Variants in NFIL3 observed in about 807,000 individuals in gnomAD.
NFIL3 encodes nuclear factor interleukin-3-regulated protein.
A neutral mutation model predicts 10.0 loss-of-function variants in NFIL3; 5 were observed. The observed-to-expected ratio is 0.50, with a 90% CI of 0.26 to 1.06. NFIL3 has a LOEUF of 1.06. NFIL3 is among the 50% of genes least tolerant of loss of function. NFIL3 has a pLI of 0.13. For synonymous variants in NFIL3, 202 were observed against 206.5 expected, an observed-to-expected ratio of 0.98 and a Z score of 0.19; for missense variants, 436 against 547.6, an observed-to-expected ratio of 0.80 and a Z score of 2.03.
At chr9:91,456,034 A>G in the NFIL3 span, among the ~76,000 whole-genome samples, 24 of 152,310 alleles carry the variant, frequency 1.6e-4, no homozygotes, top group Admixed American at 3.3e-4. Context: ...GGGAAACCAC[A>G]CAACTTTCCT....
chr9:91,446,876 C>T, the NFIL3 span, among the ~76,000 whole-genome samples: 1 of 151,664 alleles, frequency 6.6e-6, no homozygotes, highest in Admixed American at 6.6e-5. Flanking sequence ...AATGCAATGG[C>T]ATGGTCTTGG....
chr9:91,477,770 C>T, the NFIL3 span, among the ~76,000 whole-genome samples: 2 of 151,936 alleles, frequency 1.3e-5, no homozygotes, highest in Non-Finnish European at 2.9e-5. Flanking sequence ...ACAAAGAGAC[C>T]CCAAAAGTGG....
At chr9:91,429,273 G>A in the NFIL3 span, among the ~76,000 whole-genome samples, 3 of 152,146 alleles carry the variant, frequency 2.0e-5, no homozygotes, top group African/African-American at 7.2e-5. Flanking sequence ...TCACCAAGGG[G>A]ATCATTTCAC....
At chr9:91,415,140 T>G (rs1249153338) in intron 1 of NFIL3, among the ~76,000 whole-genome samples, 1 of 151,906 alleles carries the variant, frequency 6.6e-6, no homozygotes, top group Admixed American at 6.6e-5. Flanking sequence ...AAAACCAAAC[T>G]CCCGAGACCA....
the NFIL3 span, among the ~76,000 whole-genome samples, chr9:91,468,798 C>A: frequency 1.3e-5 from 2 of 152,132 alleles, no homozygotes; most frequent in African/African-American, 4.8e-5. Flanking sequence ...ATAGGGAATC[C>A]TTTCCCCATT....
chr9:91,461,600 C>A, the NFIL3 span, among the ~76,000 whole-genome samples: 4 of 152,164 alleles, frequency 2.6e-5, no homozygotes, highest in Admixed American at 6.5e-5. Context: ...CTTCTGATGG[C>A]TTCAGGTGTT....
chr9:91,416,953 C>T (rs1833669236), intron 1 of NFIL3, among the ~76,000 whole-genome samples: 1 of 152,116 alleles, frequency 6.6e-6, no homozygotes, highest in Non-Finnish European at 1.5e-5. Flanking sequence ...TTATGATAGA[C>T]CTTTATCTTC....
intron 1 of NFIL3, among the ~76,000 whole-genome samples, chr9:91,422,513 T>C (rs1347512655): frequency 1.3e-5 from 2 of 152,134 alleles, no homozygotes; most frequent in Non-Finnish European, 1.5e-5. Flanking sequence ...GCTGAGACTG[T>C]CCTACTTTCT....
chr9:91,432,071 T>G, the NFIL3 span, among the ~76,000 whole-genome samples: 7 of 152,126 alleles, frequency 4.6e-5, no homozygotes, highest in African/African-American at 1.7e-4. Flanking sequence ...ACTTAGGAAC[T>G]CACACAAGCA....
the NFIL3 span, among the ~76,000 whole-genome samples, chr9:91,435,293 C>T: frequency 6.6e-6 from 1 of 152,180 alleles, no homozygotes; most frequent in African/African-American, 2.4e-5. Context: ...GCCCCTGGAG[C>T]TGCTGGTCAG....
upstream of NFIL3, among the ~76,000 whole-genome samples, chr9:91,425,444 C>T (rs998791108): frequency 2.6e-5 from 4 of 152,102 alleles, no homozygotes; most frequent in Non-Finnish European, 4.4e-5. Context: ...CACTCTTGTT[C>T]GTGATTTATC....
the NFIL3 span, among the ~76,000 whole-genome samples, chr9:91,474,348 A>G: frequency 2.0e-5 from 3 of 152,106 alleles, no homozygotes; most frequent in Non-Finnish European, 4.4e-5. Flanking sequence ...TTGATTTTCT[A>G]ATATTTTATT....
chr9:91,410,177 C>G lies in NFIL3; in HGVS notation c.558G>C (p.Ser186=). ...ISVIKHSPQS[S]LSDVSEVSSV... ...AGGACACTTCTGAAACATCGGACAG[C>G]GAGCTTTGTGGAGAGTGTTTAATGA... is the stretch of plus-strand genomic sequence containing the variant. Residue 186 remains serine, a synonymous_variant, in exon 2 of 2, where the codon TCG becomes TCC. Transcript: ENST00000297689. This position sits in a 1 kb window ranked among gnomAD's most constrained non-coding sequence, Gnocchi z 5.7. The G allele has an allele frequency of 6.2e-7, 1 of 1,614,112 alleles. No individual in the cohort carries two copies. The highest frequency in any genetic ancestry group is 8.5e-7 in the Non-Finnish European group (1 of 1,180,008).
At chr9:91,444,635 C>T in the NFIL3 span, among the ~76,000 whole-genome samples, 6 of 152,060 alleles carry the variant, frequency 3.9e-5, no homozygotes, top group African/African-American at 1.2e-4. Context: ...TTGGGCAGGG[C>T]GTGATGGGTC....
chr9:91,481,644 G>T, the NFIL3 span, among the ~76,000 whole-genome samples: 2 of 144,422 alleles, frequency 1.4e-5, no homozygotes, highest in South Asian at 2.2e-4. Context: ...TTTTGATTTT[G>T]CGGTTAACGT....
chr9:91,417,650 T>A (rs1438161946), intron 1 of NFIL3, among the ~76,000 whole-genome samples: 2 of 152,194 alleles, frequency 1.3e-5, no homozygotes, highest in Non-Finnish European at 2.9e-5. Context: ...ACACCGAAGT[T>A]GCAAGAGAAT....
chr9:91,443,734 C>A, the NFIL3 span, among the ~76,000 whole-genome samples: 2 of 152,130 alleles, frequency 1.3e-5, no homozygotes, highest in African/African-American at 4.8e-5. Context: ...GACTCTTGCC[C>A]CAACAACTCA....
upstream of NFIL3, among the ~76,000 whole-genome samples, chr9:91,425,551 C>G (rs970215640): frequency 6.6e-6 from 1 of 152,182 alleles, no homozygotes; most frequent in Non-Finnish European, 1.5e-5. Context: ...CTGACTAATG[C>G]AAGAACCACA....
chr9:91,443,265 C>T, the NFIL3 span, among the ~76,000 whole-genome samples: 2 of 152,310 alleles, frequency 1.3e-5, no homozygotes, highest in Admixed American at 6.5e-5. Flanking sequence ...GAAAAAGCGC[C>T]GTAAGTTCTC....
Sources: gnomAD v4.1 joint callset for allele counts (sites outside exome capture counted in the v4.1 genomes callset) on GRCh38, gnomAD v4.1.1 for gene constraint, Gnocchi (gnomAD v3.1) non-coding constraint, MANE v1.5 for transcripts, NCBI Gene and HGNC (gene_info 2026-07-23, HGNC 2026-07-21) for gene names.